CRY1: variants seen among roughly 807,000 people sequenced by gnomAD.
CRY1 encodes the protein cryptochrome-1.
Under a neutral mutation model 76.0 loss-of-function variants are expected in CRY1, and 45 were observed. That is an observed-to-expected ratio of 0.59 (90% confidence interval 0.47 to 0.76). The LOEUF (loss-of-function observed/expected upper bound fraction) is 0.76, where lower values mean the gene tolerates loss of function less well. CRY1 is among the 30% of genes least tolerant of loss of function. The probability of loss-of-function intolerance (pLI) is 0.00; values close to 1 mark genes in which losing one functional copy is unlikely to be tolerated. For missense variants in CRY1, 587 were observed against 716.4 expected (o/e 0.82, Z 2.06); for synonymous variants, 248 against 244.0 (o/e 1.02, Z -0.15).
chr12:107,075,244 T>G (rs1458224886), intron 1 of CRY1, among the ~76,000 whole-genome samples: 1 of 152,198 alleles, frequency 6.6e-6, no homozygotes. Flanking sequence ...GAAGAGTCAG[T>G]TGTGTTTCTC....
intron 1 of CRY1, among the ~76,000 whole-genome samples, chr12:107,068,470 A>AT (rs985643692): frequency 2.0e-5 from 3 of 151,438 alleles, no homozygotes; most frequent in Non-Finnish European, 3.0e-5. Flanking sequence ...TAATTTTTGT[A>AT]TTTTTTTTGG....
rs534619722 is a variant in CRY1 at position 107,042,790 on chromosome 12, C to T, written c.159-20598G>A. Reference sequence around the variant, plus strand: ...CCACACGGAGAATGGAAGGAAATGCCGGGCCTCCACCACCTCATCCTCCAA... The same window carrying T: ...CCACACGGAGAATGGAAGGAAATGCTGGGCCTCCACCACCTCATCCTCCAA... On this transcript the variant is annotated intron_variant, in intron 1 of 12. Coordinates refer to ENST00000008527, the MANE Select transcript of CRY1 (RefSeq NM_004075.5). Among the ~76,000 whole-genome samples the T allele has an allele frequency of 1.0e-3, 157 of 152,170 alleles. 1 individual carries two copies. The highest frequency in any genetic ancestry group is 1.4e-3 in the Non-Finnish European group (98 of 67,996).
At chr12:107,031,544 T>G (rs923165655) in intron 1 of CRY1, among the ~76,000 whole-genome samples, 3 of 152,164 alleles carry the variant, frequency 2.0e-5, no homozygotes, top group Non-Finnish European at 2.9e-5. Context: ...CAGTGAATAC[T>G]GACAAGTACT....
chr12:107,087,138 C>T (rs1157912468), intron 1 of CRY1, among the ~76,000 whole-genome samples: 1 of 152,192 alleles, frequency 6.6e-6, no homozygotes, highest in African/African-American at 2.4e-5. Flanking sequence ...GGAAAAGTGA[C>T]AGACATTAGA....
At chr12:107,047,863 C>T (rs1391799744) in intron 1 of CRY1, among the ~76,000 whole-genome samples, 2 of 151,594 alleles carry the variant, frequency 1.3e-5, no homozygotes, top group Admixed American at 1.3e-4. Flanking sequence ...ACCAGACAAG[C>T]AAAAACAAAG....
At chr12:107,076,131 C>T (rs1593540978) in intron 1 of CRY1, among the ~76,000 whole-genome samples, 2 of 151,852 alleles carry the variant, frequency 1.3e-5, no homozygotes, top group East Asian at 3.9e-4. Context: ...AAGTATGCAA[C>T]TAGATGAGAT....
At chr12:107,069,399 TA>T (rs1016245069) in intron 1 of CRY1, among the ~76,000 whole-genome samples, 8 of 151,054 alleles carry the variant, frequency 5.3e-5, no homozygotes, top group Non-Finnish European at 1.0e-4. Flanking sequence ...TAATTTTTTG[TA>T]TAAAATTTTT....
At chr12:107,077,390 T>C (rs1217659775) in intron 1 of CRY1, among the ~76,000 whole-genome samples, 1 of 152,224 alleles carries the variant, frequency 6.6e-6, no homozygotes, top group Non-Finnish European at 1.5e-5. Flanking sequence ...CAGTACCTGG[T>C]AGATAACAGG....
At chr12:107,005,310 C>G in intron 2 of CRY1, 62 bp from the exon 3 acceptor site, 1 of 1,483,082 alleles carries the variant, frequency 6.7e-7, no homozygotes. Context: ...TCTATTATAA[C>G]GAAAAGTGAA....
At chr12:107,014,086 G>A (rs556396936) in intron 2 of CRY1, among the ~76,000 whole-genome samples, 1 of 152,296 alleles carries the variant, frequency 6.6e-6, no homozygotes, top group South Asian at 2.1e-4. Context: ...CCAAGCCACT[G>A]AGATTCATGG....
At position 106,997,393 on chromosome 12, in the gene CRY1, G is replaced by A; in HGVS notation, c.1493-7C>T. The A allele has an allele frequency of 6.2e-7, 1 of 1,612,716 alleles. No homozygotes were observed. Among genetic ancestry groups the A allele is most frequent in the Non-Finnish European group, 8.5e-7 (1 of 1,179,588 alleles). On this transcript the variant is annotated splice_region_variant and splice_polypyrimidine_tract_variant and intron_variant, in intron 9 of 12. Coordinates refer to ENST00000008527, the MANE Select transcript of CRY1 (RefSeq NM_004075.5). ...GGTACTGATGCCAGAAGACCTAAAG[G>A]ACAAAAAAATTTTCTTTTAAATTAT...
chr12:107,079,354 G>A (rs1432136240), intron 1 of CRY1, among the ~76,000 whole-genome samples: 6 of 152,088 alleles, frequency 3.9e-5, no homozygotes, highest in African/African-American at 1.4e-4. Flanking sequence ...GCCACCAGAG[G>A]ACAGCCTATT....
chr12:107,092,772 C>G, intron 1 of CRY1, 32 bp downstream of exon 1: 1 of 1,609,506 alleles, frequency 6.2e-7, no homozygotes, highest in Non-Finnish European at 8.5e-7. Context: ...CATTAAACAC[C>G]CAAATCCATT....
At chr12:107,035,742 C>T (rs575174532) in intron 1 of CRY1, among the ~76,000 whole-genome samples, 2 of 152,198 alleles carry the variant, frequency 1.3e-5, no homozygotes, top group African/African-American at 2.4e-5. Context: ...AGAAGGATAT[C>T]GGGGGGTATA....
rs34993937 is a variant in CRY1, at chr12:107,005,084, TAAAAA to T, written c.410+17_410+21del. On this transcript the variant is annotated intron_variant, in intron 3 of 12. Coordinates refer to ENST00000008527, the MANE Select transcript of CRY1 (RefSeq NM_004075.5). ...TTATGTTATACGCATTTTCCCACAG[TAAAAA>T]AAAAAAAAGGACTCACTTGTCTAGG... 1 of 1,446,420 alleles carries T rather than the reference TAAAAA, an allele frequency of 6.9e-7. No homozygotes were observed. Among genetic ancestry groups the T allele is most frequent in the Non-Finnish European group, 9.4e-7 (1 of 1,059,698 alleles). The allele number at this position is 1,446,420 out of a possible 1,614,324, so 89.6% of individuals were successfully genotyped here.
chr12:106,995,818 C>G (rs148583648), intron 10 of CRY1, among the ~76,000 whole-genome samples: 7 of 152,018 alleles, frequency 4.6e-5, no homozygotes, highest in Admixed American at 4.6e-4. Flanking sequence ...CCCCTGCCCC[C>G]CCAACAGACC....
intron 1 of CRY1, among the ~76,000 whole-genome samples, chr12:107,076,591 C>T (rs186436606): frequency 2.5e-4 from 37 of 146,790 alleles, no homozygotes; most frequent in Non-Finnish European, 4.8e-4. Context: ...CTCCAGCCTG[C>T]GTGACAAAAT....
intron 1 of CRY1, among the ~76,000 whole-genome samples, chr12:107,029,885 A>C (rs1023609436): frequency 3.3e-5 from 5 of 152,216 alleles, no homozygotes; most frequent in African/African-American, 1.2e-4. Flanking sequence ...TGCTCTGAAA[A>C]ATCAGGTGGG....
intron 1 of CRY1, among the ~76,000 whole-genome samples, chr12:107,078,685 A>G (rs767957181): frequency 4.6e-5 from 7 of 152,104 alleles, no homozygotes; most frequent in African/African-American, 1.2e-4. Context: ...TCTCATGTTG[A>G]TATCTTAGCA....
Sources: gnomAD v4.1 joint callset for allele counts (sites outside exome capture counted in the v4.1 genomes callset) on GRCh38, gnomAD v4.1.1 for gene constraint, MANE v1.5 for transcripts, NCBI Gene and HGNC (gene_info 2026-07-23, HGNC 2026-07-21) for gene names.